MECOM: variants seen among roughly 807,000 people sequenced by gnomAD.
MECOM encodes the protein histone-lysine N-methyltransferase MECOM.
In MECOM, 13 loss-of-function variants were observed where a neutral mutation model predicts 116.3. That is an observed-to-expected ratio of 0.11 (90% CI 0.07 to 0.18). MECOM has a LOEUF of 0.18. Among genes scored for constraint, MECOM ranks in the 10% least tolerant of loss-of-function variants. The probability of loss-of-function intolerance (pLI) is 1.00; values close to 1 mark genes in which losing one functional copy is unlikely to be tolerated. For synonymous variants in MECOM, 528 were observed against 535.2 expected (o/e 0.99, Z 0.19); for missense variants, 1,299 against 1,509.0 (o/e 0.86, Z 2.31).
chr3:169,203,235 A>AT lies in MECOM; in HGVS notation c.376-59404dup, dbSNP rs1749435556. On this transcript the variant is annotated intron_variant, in intron 2 of 16. Transcript: ENST00000651503. ...TGAATAGCAAGAATCCTTGATGTGC[A>AT]TTTTGCCAATTGATCAACACACATC... 2.0e-5 allele frequency among the ~76,000 whole-genome samples: 3 copies of AT among 152,262 alleles called. No individual in the cohort carries two copies. In the South Asian group the frequency reaches 6.2e-4, roughly 32 times the overall value.
At chr3:169,637,149 A>G (rs1772892601) in intron 1 of MECOM, among the ~76,000 whole-genome samples, 1 of 152,166 alleles carries the variant, frequency 6.6e-6, no homozygotes, top group African/African-American at 2.4e-5. Context: ...ATATGCAAAC[A>G]TTGATGTCCT....
chr3:169,523,909 GC>G (rs1757652256), intron 1 of MECOM, among the ~76,000 whole-genome samples: 3 of 146,448 alleles, frequency 2.0e-5, no homozygotes, highest in Admixed American at 6.9e-5. Context: ...ACCTGTATAT[GC>G]ATATATATGT....
At chr3:169,154,030 T>G (rs1229778030) in intron 2 of MECOM, among the ~76,000 whole-genome samples, 2 of 152,168 alleles carry the variant, frequency 1.3e-5, no homozygotes, top group Non-Finnish European at 2.9e-5. Context: ...TACCCTGACC[T>G]TGGAAGGGAA....
intron 1 of MECOM, among the ~76,000 whole-genome samples, chr3:169,632,132 C>T (rs974205451): frequency 2.6e-5 from 4 of 152,224 alleles, no homozygotes; most frequent in Admixed American, 2.6e-4. Flanking sequence ...AGGCCATTAG[C>T]TATCCTCTGT....
intron 1 of MECOM, among the ~76,000 whole-genome samples, chr3:169,472,663 GAA>G (rs1491461501): frequency 5.0e-5 from 6 of 120,840 alleles, no homozygotes; most frequent in Admixed American, 1.8e-4. Context: ...GAAAAGAAAG[GAA>G]AGGAAAGGAG....
intron 1 of MECOM, among the ~76,000 whole-genome samples, chr3:169,525,136 A>G (rs935315524): frequency 6.6e-6 from 1 of 152,202 alleles, no homozygotes; most frequent in African/African-American, 2.4e-5. Context: ...TATGTTTCTC[A>G]TCTGTTTATT....
intron 2 of MECOM, among the ~76,000 whole-genome samples, chr3:169,361,494 A>G (rs1341452212): frequency 1.3e-5 from 2 of 151,876 alleles, no homozygotes; most frequent in African/African-American, 2.4e-5. Context: ...GATTATTAAA[A>G]TCAGTTTGCT....
intron 6 of MECOM, among the ~76,000 whole-genome samples, chr3:169,122,348 T>G (rs1248307654): frequency 6.6e-6 from 1 of 152,216 alleles, no homozygotes; most frequent in Non-Finnish European, 1.5e-5. Flanking sequence ...GACACCTAGT[T>G]CTGGAACTCA....
chr3:169,406,718 ATTT>A (rs958124452), intron 1 of MECOM, among the ~76,000 whole-genome samples: 1 of 152,134 alleles, frequency 6.6e-6, no homozygotes, highest in African/African-American at 2.4e-5. Context: ...CATTTGACAG[ATTT>A]TAAAAACTAA....
intron 14 of MECOM, among the ~76,000 whole-genome samples, 160 bp downstream of exon 14, chr3:169,092,798 G>T (rs542575065): frequency 5.9e-5 from 9 of 152,136 alleles, no homozygotes; most frequent in Non-Finnish European, 1.3e-4. Context: ...CATGTAAAAT[G>T]CTTGGAAGCA....
chr3:169,566,351 TC>T (rs1370961983), intron 1 of MECOM, among the ~76,000 whole-genome samples: 1 of 152,148 alleles, frequency 6.6e-6, no homozygotes, highest in African/African-American at 2.4e-5. Context: ...CCAAACAGCC[TC>T]AACCACAGGG....
At chr3:169,447,026 T>C (rs1744751963) in intron 1 of MECOM, among the ~76,000 whole-genome samples, 2 of 152,232 alleles carry the variant, frequency 1.3e-5, no homozygotes, top group South Asian at 2.1e-4. Context: ...GAATTTTTTA[T>C]GTTATGAAAA....
At chr3:169,288,828 C>T (rs1332351436) in intron 2 of MECOM, among the ~76,000 whole-genome samples, 13 of 152,322 alleles carry the variant, frequency 8.5e-5, no homozygotes. Context: ...TATCCTCAAT[C>T]ACGATTGTGT....
intron 1 of MECOM, among the ~76,000 whole-genome samples, chr3:169,516,146 A>G (rs1756592029): frequency 6.6e-6 from 1 of 152,238 alleles, no homozygotes; most frequent in South Asian, 2.1e-4. Flanking sequence ...GTTCAACTTC[A>G]TGAAAAACAA....
At chr3:169,139,229 T>G (rs1161373288) in intron 3 of MECOM, among the ~76,000 whole-genome samples, 1 of 152,106 alleles carries the variant, frequency 6.6e-6, no homozygotes, top group Non-Finnish European at 1.5e-5. Flanking sequence ...TTTCTTTTTA[T>G]TCAGAGTGAA....
chr3:169,096,141 G>T (rs983938596), intron 12 of MECOM, among the ~76,000 whole-genome samples: 6 of 152,016 alleles, frequency 3.9e-5, no homozygotes, highest in African/African-American at 1.5e-4. Context: ...AGAAGAAAAG[G>T]GTTTTTAGTA....
At chr3:169,155,380 C>T (rs1341555408) in intron 2 of MECOM, among the ~76,000 whole-genome samples, 3 of 152,172 alleles carry the variant, frequency 2.0e-5, no homozygotes, top group Non-Finnish European at 1.5e-5. Context: ...GACTCCTCTC[C>T]TTCCCTTGTC....
intron 1 of MECOM, among the ~76,000 whole-genome samples, chr3:169,562,187 G>GAA (rs1762738421): frequency 1.4e-5 from 1 of 71,634 alleles, no homozygotes; most frequent in Non-Finnish European, 3.0e-5. Flanking sequence ...AAAAAAAAAA[G>GAA]ATAGAAAAAG....
intron 1 of MECOM, among the ~76,000 whole-genome samples, chr3:169,385,440 G>A (rs1213395728): frequency 2.0e-5 from 3 of 151,894 alleles, no homozygotes; most frequent in African/African-American, 7.3e-5. Flanking sequence ...TGCAAGTGCA[G>A]GCAATTTGTT....
Sources: gnomAD v4.1 joint callset for allele counts (sites outside exome capture counted in the v4.1 genomes callset) on GRCh38, gnomAD v4.1.1 for gene constraint, MANE v1.5 for transcripts, NCBI Gene and HGNC (gene_info 2026-07-23, HGNC 2026-07-21) for gene names.